Variants in FBXO22 observed in about 807,000 individuals in gnomAD.
FBXO22 encodes the protein F-box only protein 22.
Under a neutral mutation model 37.2 loss-of-function variants are expected in FBXO22, and 13 were observed. The ratio of observed to expected loss-of-function variants is 0.35; its 90% CI spans 0.23 to 0.56. The LOEUF (loss-of-function observed/expected upper bound fraction) is 0.56, where lower values mean the gene tolerates loss of function less well. Ranked by LOEUF, FBXO22 falls within the 20% of genes least tolerant of loss-of-function variation. The pLI, the probability that FBXO22 is intolerant of heterozygous loss-of-function variation, is 0.87. For synonymous variants in FBXO22, 189 were observed against 189.1 expected, an observed-to-expected ratio of 1.00 and a Z score of 0.00; for missense variants, 446 against 509.9, an observed-to-expected ratio of 0.87 and a Z score of 1.21.
Position 75,939,388 on chromosome 15 carries a change from A to G in FBXO22, c.*6286A>G, listed in dbSNP as rs1384262430. ...CTATGAAAAAAATTTAAAAATCTCA[A>G]TAGAACTATAACCAGTAAGGTAATT... On this transcript the variant is annotated 3_prime_UTR_variant, in exon 7 of 7. Coordinates refer to ENST00000308275, the MANE Select transcript of FBXO22 (RefSeq NM_147188.3). 1 of 152,174 alleles carries G rather than the reference A, an allele frequency of 6.6e-6. No homozygotes were observed. 9.4% of individuals were successfully genotyped at this position (152,174 alleles called of 1,614,324 possible).
intron 5 of FBXO22, among the ~76,000 whole-genome samples, chr15:75,925,418 T>C (rs1200471610): frequency 2.0e-5 from 3 of 150,934 alleles, no homozygotes; most frequent in Non-Finnish European, 4.4e-5. Context: ...TTTTGAACCT[T>C]TAACTACTTG....
chr15:75,929,657 A>T (rs993250936), intron 5 of FBXO22, among the ~76,000 whole-genome samples: 3 of 152,138 alleles, frequency 2.0e-5, no homozygotes, highest in African/African-American at 7.2e-5. Context: ...TTAATAGAAA[A>T]AATAATTAAG....
chr15:75,919,655 A>G (rs1900275089), intron 5 of FBXO22, among the ~76,000 whole-genome samples: 1 of 152,230 alleles, frequency 6.6e-6, no homozygotes, highest in African/African-American at 2.4e-5. Flanking sequence ...GCAACAGTAG[A>G]TTGTAGCTAG....
At chr15:75,923,869 A>G (rs1483225192) in intron 5 of FBXO22, among the ~76,000 whole-genome samples, 1 of 152,122 alleles carries the variant, frequency 6.6e-6, no homozygotes, top group Non-Finnish European at 1.5e-5. Flanking sequence ...GTTGAAGAGA[A>G]GTGAATGGAT....
chr15:75,904,288 C>T, intron 1 of FBXO22, 185 bp downstream of exon 1: 1 of 1,109,452 alleles, frequency 9.0e-7, no homozygotes, highest in Non-Finnish European at 1.3e-6. Context: ...GGGGACTTCC[C>T]TGAGGGGCGA....
rs768082313 is a variant in FBXO22, at chr15:75,914,155, T to C, written c.413T>C (p.Leu138Pro). ...SMETALALEK[L>P]FPKQCQVLGI... The stretch of plus-strand genomic sequence containing the variant: ...GAAACAGCACTTGCCCTTGAGAAGC[T>C]ATTCCCCAAACAATGCCAAGTCCTT... Residue 138 changes from leucine to proline, a missense_variant, in exon 4 of 7, where the codon CTA becomes CCA. Physicochemically the swap from Leu to Pro is moderately conservative, Grantham distance 98 (BLOSUM62 -3). Coordinates refer to ENST00000308275, the MANE Select transcript of FBXO22 (RefSeq NM_147188.3). 5 of 1,613,974 alleles carry C rather than the reference T, an allele frequency of 3.1e-6. No individual in the cohort carries two copies. The highest frequency in any genetic ancestry group is 4.2e-6 in the Non-Finnish European group (5 of 1,179,944).
chr15:75,922,328 C>T (rs909268221), intron 5 of FBXO22, among the ~76,000 whole-genome samples: 3 of 152,228 alleles, frequency 2.0e-5, no homozygotes, highest in Admixed American at 6.5e-5. Context: ...TGCTTGACTG[C>T]ATAATCATAA....
chr15:75,916,277 G>T (rs1405178113), intron 4 of FBXO22, among the ~76,000 whole-genome samples: 1 of 152,060 alleles, frequency 6.6e-6, no homozygotes, highest in African/African-American at 2.4e-5. Context: ...TAGTCTACTA[G>T]GGCTACCATA....
chr15:75,913,242 G>A lies in FBXO22; in HGVS notation c.319G>A (p.Asp107Asn). ...ILPHTVLYMA[D>N]SETFISLEEC... ...ACCACATACAGTTCTTTACATGGCT[G>A]ATTCAGAAACTTTCATTAGTCTGGA... The change falls in exon 3 of 7, where the codon GAT (aspartate) becomes AAT (asparagine). Residue 107 changes from aspartate to asparagine, a missense_variant. Transcript: ENST00000308275. 6.2e-7 allele frequency: 1 copy of A among 1,610,686 alleles called. No homozygotes were observed. Among genetic ancestry groups the A allele is most frequent in the Non-Finnish European group, 8.5e-7 (1 of 1,179,148 alleles).
At chr15:75,916,031 G>C (rs1448562587) in intron 4 of FBXO22, among the ~76,000 whole-genome samples, 1 of 131,904 alleles carries the variant, frequency 7.6e-6, no homozygotes, top group Non-Finnish European at 1.5e-5. Context: ...CTCCAGCCTG[G>C]GTGACAGAGT....
chr15:75,906,664 T>C (rs184164566), intron 2 of FBXO22, among the ~76,000 whole-genome samples: 1 of 152,272 alleles, frequency 6.6e-6, no homozygotes, highest in Admixed American at 6.5e-5. Context: ...CTTACCTTGT[T>C]TGGGCTCTGG....
Position 75,939,739 on chromosome 15 carries a change from A to G in FBXO22, c.*6637A>G, listed in dbSNP as rs1222313062. 1 of 152,204 alleles carries G rather than the reference A, an allele frequency of 6.6e-6. No individual in the cohort carries two copies. Among genetic ancestry groups the G allele is most frequent in the East Asian group, 1.9e-4 (1 of 5,200 alleles). 9.4% of individuals were successfully genotyped at this position (152,204 alleles called of 1,614,324 possible). A position where few individuals can be genotyped will look rare whatever the true frequency, so the allele number is the denominator to read the frequency against. On this transcript the variant is annotated 3_prime_UTR_variant, in exon 7 of 7. Coordinates refer to ENST00000308275, the MANE Select transcript of FBXO22 (RefSeq NM_147188.3). ...TGCAAGGATTGTTCAACATACAAAAATCAATATAATATACTACATTAACAG... is the reference window on the plus strand; with the variant it reads ...TGCAAGGATTGTTCAACATACAAAAGTCAATATAATATACTACATTAACAG...
chr15:75,941,608 T>C lies in FBXO22; in HGVS notation c.*8506T>C, dbSNP rs1454421540. The C allele has an allele frequency of 1.3e-5, 2 of 152,188 alleles. No homozygotes were observed. Among genetic ancestry groups the C allele is most frequent in the Non-Finnish European group, 2.9e-5 (2 of 68,008 alleles). 9.4% of individuals were successfully genotyped at this position (152,188 alleles called of 1,614,324 possible). A position where few individuals can be genotyped will look rare whatever the true frequency, so the allele number is the denominator to read the frequency against. On this transcript the variant is annotated 3_prime_UTR_variant, in exon 7 of 7. Coordinates refer to ENST00000308275, the MANE Select transcript of FBXO22 (RefSeq NM_147188.3). Reference sequence around the variant, plus strand: ...TTCAGCCATAAAAAGGAAATCCTTCTACATACTACATCATGGATGAACCTT... The same window carrying C: ...TTCAGCCATAAAAAGGAAATCCTTCCACATACTACATCATGGATGAACCTT...
At chr15:75,907,112 T>C (rs1000224456) in intron 2 of FBXO22, among the ~76,000 whole-genome samples, 4 of 152,226 alleles carry the variant, frequency 2.6e-5, no homozygotes, top group African/African-American at 9.6e-5. Context: ...GCAGGCATGA[T>C]TTTTCTATAG....
intron 4 of FBXO22, among the ~76,000 whole-genome samples, chr15:75,915,858 C>T (rs1900169989): frequency 6.6e-6 from 1 of 150,638 alleles, no homozygotes; most frequent in Admixed American, 6.6e-5. Flanking sequence ...CGAGATCACG[C>T]CATTGCACTC....
In FBXO22 at chr15:75,933,630, AAATT is replaced by A. The variant is rs1424996358; in HGVS notation, c.*531_*534del. 6.1e-6 allele frequency: 1 copy of A among 164,578 alleles called. No individual in the cohort carries two copies. The highest frequency in any genetic ancestry group is 6.5e-5 in the Admixed American group (1 of 15,490). 10.2% of individuals were successfully genotyped at this position (164,578 alleles called of 1,614,324 possible). A position where few individuals can be genotyped will look rare whatever the true frequency, so the allele number is the denominator to read the frequency against. Reference sequence around the variant, plus strand: ...TATTGACTTTTTACTTATTTGATAAAAATTAAAGAACTATTTTTGTTTTGGTCAG... The same window carrying A: ...TATTGACTTTTTACTTATTTGATAAAAAAGAACTATTTTTGTTTTGGTCAG... On this transcript the variant is annotated 3_prime_UTR_variant, in exon 7 of 7. Coordinates refer to ENST00000308275, the MANE Select transcript of FBXO22 (RefSeq NM_147188.3).
rs1352186294 is a variant in FBXO22 at position 75,926,606 on chromosome 15, G to C, written c.629-3278G>C. On this transcript the variant is annotated intron_variant, in intron 5 of 6. Transcript: ENST00000308275. ...TAACTGGAATGTGTGACTGAGGCGA[G>C]AATCTCCATCATTCGAGGTTTACTG... Among the ~76,000 whole-genome samples the C allele has an allele frequency of 2.0e-5, 3 of 152,214 alleles. No homozygotes were observed. In the East Asian group the frequency reaches 5.8e-4, roughly 29 times the overall value.
rs1386599881 is a variant in FBXO22 at position 75,914,121 on chromosome 15, A to G, written c.379A>G (p.Thr127Ala). Residue 127 changes from threonine (T) to alanine (A), a missense_variant, in exon 4 of 7, where the codon ACT becomes GCT. This residue lies in a region of FBXO22 where 315 missense variants were observed against 410.1 expected (regional missense o/e 0.77). Transcript: ENST00000308275. Reference protein sequence around the residue: ...CRGHKRARKRTSMETALALEK... With the variant: ...CRGHKRARKRASMETALALEK... ...CTGTATTTTTACAGCAAGGAAAAGA[A>G]CTAGTATGGAAACAGCACTTGCCCT... 1.2e-6 allele frequency: 2 copies of G among 1,611,942 alleles called. No individual in the cohort carries two copies. The highest frequency in any genetic ancestry group is 2.2e-5 in the South Asian group (2 of 90,698).
intron 3 of FBXO22, 59 bp from the exon 4 acceptor site, chr15:75,914,051 A>T: frequency 7.9e-7 from 1 of 1,273,614 alleles, no homozygotes; most frequent in African/African-American, 1.5e-5. Context: ...TTACTTTTTC[A>T]TTCTCAGATT....
Sources: allele counts gnomAD v4.1 joint callset (sites outside exome capture counted in the v4.1 genomes callset), GRCh38; gene constraint gnomAD v4.1.1; regional missense constraint gnomAD v4.1.1; transcripts MANE v1.5; gene names NCBI Gene and HGNC (gene_info 2026-07-23, HGNC 2026-07-21).